Variants in TMEM51 observed in about 807,000 individuals in gnomAD.
The protein encoded by TMEM51 is chromosome 1 open reading frame 72.
TMEM51 carries 8 observed loss-of-function variants against 13.6 expected under a neutral mutation model. The observed-to-expected ratio is 0.59, with a 90% CI of 0.35 to 1.07. TMEM51 has a LOEUF of 1.07. TMEM51 is among the 50% of genes least tolerant of loss of function. The pLI is 0.02. For synonymous variants in TMEM51, 147 were observed against 144.4 expected (o/e 1.02, Z -0.13); for missense variants, 279 against 330.7 (o/e 0.84, Z 1.21).
At chr1:15,191,632 C>T (rs1167693090) in intron 1 of TMEM51, among the ~76,000 whole-genome samples, 2 of 152,184 alleles carry the variant, frequency 1.3e-5, no homozygotes, top group African/African-American at 4.8e-5. Context: ...TAGCAGAGCA[C>T]GGCTGTGAGA....
At chr1:15,185,943 C>G (rs1464860963) in intron 1 of TMEM51, among the ~76,000 whole-genome samples, 1 of 152,094 alleles carries the variant, frequency 6.6e-6, no homozygotes, top group Admixed American at 6.5e-5. Context: ...CCATGTCTAC[C>G]CCATTAGAAC....
intron 1 of TMEM51, among the ~76,000 whole-genome samples, chr1:15,199,122 T>A (rs919119572): frequency 4.0e-5 from 6 of 148,194 alleles, no homozygotes; most frequent in Admixed American, 3.5e-4. Context: ...TGTCTTTTTT[T>A]AGTTCACGGA....
rs190516229 is a variant in TMEM51 at position 15,166,908 on chromosome 1, G to T, written c.-267+12954G>T. ...CTGCTGCCTCTTTGTAGTCTTTCCT[G>T]TCTCCACCCCCCAGCAGCCACTGAT... On this transcript the variant is annotated intron_variant, in intron 1 of 3. Coordinates refer to ENST00000376008, the MANE Select transcript of TMEM51 (RefSeq NM_001136218.2). Among the ~76,000 whole-genome samples, 7 of 152,084 alleles carry T rather than the reference G, an allele frequency of 4.6e-5. No homozygotes were observed. The South Asian group carries it at 1.0e-3, about 23-fold the overall frequency.
rs1382879969 is a variant in TMEM51, at chr1:15,161,365, G to T, written c.-267+7411G>T. On this transcript the variant is annotated intron_variant, in intron 1 of 3. Coordinates refer to ENST00000376008, the MANE Select transcript of TMEM51 (RefSeq NM_001136218.2). This position sits in a 1 kb window ranked among gnomAD's most constrained non-coding sequence, Gnocchi z 4.0. ...CTACTAAAAATAGAAAAATTACCCG[G>T]TATGGTGGCAGGTGCCTGTAATCCC... 6.6e-6 allele frequency among the ~76,000 whole-genome samples: 1 copy of T among 151,702 alleles called. No homozygotes were observed. The highest frequency in any genetic ancestry group is 2.4e-5 in the African/African-American group (1 of 41,130).
At position 15,215,186 on chromosome 1, in the gene TMEM51, G is replaced by C. The variant is rs2100358681; in HGVS notation, c.99G>C (p.Leu33=). 1 of 1,614,204 alleles carries C rather than the reference G, an allele frequency of 6.2e-7. No individual in the cohort carries two copies. Among genetic ancestry groups the C allele is most frequent in the Non-Finnish European group, 8.5e-7 (1 of 1,180,046 alleles). The change falls in exon 3 of 4, where the codon CTG becomes CTC. Residue 33 remains leucine, a synonymous_variant. Transcript: ENST00000376008. The part of the protein sequence containing the change: ...VLGVIMAMWN[L]VPGFSAAEKP... ...GGGTGATCATGGCCATGTGGAACCT[G>C]GTACCCGGCTTCAGCGCGGCCGAGA...
intron 1 of TMEM51, among the ~76,000 whole-genome samples, chr1:15,178,152 A>ACCAGTGTGGCCAGGCTGGAGT (rs1643506058): frequency 1.3e-5 from 2 of 151,276 alleles, no homozygotes; most frequent in East Asian, 2.0e-4. Context: ...GTGGCTGGAG[A>ACCAGTGTGGCCAGGCTGGAGT]CCTGTGTGGC....
chr1:15,169,444 G>T (rs778851759), intron 1 of TMEM51, among the ~76,000 whole-genome samples: 1 of 152,028 alleles, frequency 6.6e-6, no homozygotes, highest in African/African-American at 2.4e-5. Context: ...AAAAATGAGA[G>T]CCTTTTCCCT....
At chr1:15,188,191 C>T (rs1643844388) in intron 1 of TMEM51, among the ~76,000 whole-genome samples, 1 of 152,198 alleles carries the variant, frequency 6.6e-6, no homozygotes, top group Non-Finnish European at 1.5e-5. Context: ...CTGCTGGTCC[C>T]CTCCTCAGGC....
intron 1 of TMEM51, chr1:15,191,781 C>T (rs1257856788): frequency 1.6e-5 from 5 of 310,216 alleles, no homozygotes; most frequent in East Asian, 7.6e-5. Flanking sequence ...TTTTTATTTC[C>T]AGCTGTTGAG....
chr1:15,156,537 G>T (rs1397854300), intron 1 of TMEM51, among the ~76,000 whole-genome samples: 1 of 152,228 alleles, frequency 6.6e-6, no homozygotes. Context: ...CTTGGGATGT[G>T]GTATGGGGGC....
chr1:15,199,512 G>A (rs952096324), intron 1 of TMEM51, among the ~76,000 whole-genome samples: 4 of 152,152 alleles, frequency 2.6e-5, no homozygotes, highest in Non-Finnish European at 5.9e-5. Context: ...GAATCATAAT[G>A]CCAGCTTTCC....
At chr1:15,195,109 T>C (rs1644021874) in intron 1 of TMEM51, among the ~76,000 whole-genome samples, 2 of 151,836 alleles carry the variant, frequency 1.3e-5, no homozygotes, top group Admixed American at 6.6e-5. Flanking sequence ...GTGTGTGTAT[T>C]TTTTGTAGAG....
intron 1 of TMEM51, chr1:15,192,164 T>A: frequency 2.4e-6 from 1 of 411,826 alleles, no homozygotes; most frequent in Non-Finnish European, 4.9e-6. Context: ...CGTGCCCTCT[T>A]TAGTCTGCCG....
intron 1 of TMEM51, chr1:15,191,935 C>G: frequency 1.9e-6 from 1 of 532,816 alleles, no homozygotes; most frequent in Non-Finnish European, 3.8e-6. Context: ...TTGTAGGCGT[C>G]TATTTAGTTT....
chr1:15,203,628 C>T (rs1226712969), intron 1 of TMEM51, among the ~76,000 whole-genome samples: 1 of 152,168 alleles, frequency 6.6e-6, no homozygotes, highest in Non-Finnish European at 1.5e-5. Context: ...TACCATACCA[C>T]AGACTCTAAT....
intron 1 of TMEM51, among the ~76,000 whole-genome samples, chr1:15,200,697 C>T (rs943588455): frequency 3.9e-5 from 6 of 152,194 alleles, no homozygotes; most frequent in African/African-American, 1.4e-4. Context: ...CCCTTCCCTG[C>T]AAGCTGTCCC....
At chr1:15,154,640 C>A (rs1006722822) in intron 1 of TMEM51, among the ~76,000 whole-genome samples, 2 of 152,150 alleles carry the variant, frequency 1.3e-5, no homozygotes, top group Non-Finnish European at 2.9e-5. Context: ...CAAATCAGAT[C>A]TCAAATCAGC....
intron 1 of TMEM51, among the ~76,000 whole-genome samples, chr1:15,200,993 TCA>T (rs1053979727): frequency 6.6e-6 from 1 of 152,202 alleles, no homozygotes; most frequent in African/African-American, 2.4e-5. Context: ...CACAGGTGCC[TCA>T]CACCTGTATA....
chr1:15,197,460 G>A (rs1254440168), intron 1 of TMEM51, among the ~76,000 whole-genome samples: 2 of 152,122 alleles, frequency 1.3e-5, no homozygotes, highest in African/African-American at 2.4e-5. Context: ...TGGACCCTGC[G>A]TTTTCAGGGC....
Sources: allele counts gnomAD v4.1 joint callset (sites outside exome capture counted in the v4.1 genomes callset), GRCh38; gene constraint gnomAD v4.1.1; non-coding constraint Gnocchi (gnomAD v3.1); transcripts MANE v1.5; gene names NCBI Gene and HGNC (gene_info 2026-07-23, HGNC 2026-07-21).